Variants in CDH13 observed in about 807,000 individuals in gnomAD.
CDH13 encodes cadherin-13.
A neutral mutation model predicts 63.8 loss-of-function variants in CDH13; 24 were observed. The ratio of observed to expected loss-of-function variants is 0.38; its 90% CI spans 0.27 to 0.53. CDH13 has a LOEUF of 0.53. Ranked by LOEUF, CDH13 falls within the 20% of genes least tolerant of loss-of-function variation. The pLI, the probability that CDH13 is intolerant of heterozygous loss-of-function variation, is 0.85. For missense variants in CDH13, 1,049 were observed against 903.1 expected, an observed-to-expected ratio of 1.16 and a Z score of -2.07; for synonymous variants, 503 against 355.3, an observed-to-expected ratio of 1.42 and a Z score of -4.67.
In CDH13 at chr16:82,627,128, C is replaced by A. The variant is rs765925404; in HGVS notation, c.36C>A (p.Leu12=). 2.5e-6 allele frequency: 4 copies of A among 1,607,220 alleles called. No homozygotes were observed. The highest frequency in any genetic ancestry group is 4.5e-5 in the East Asian group (2 of 44,652). The change falls in exon 1 of 14, where the codon CTC becomes CTA. Residue 12 remains leucine, a synonymous_variant. Transcript: ENST00000567109. ...GAACTCCGCTCGTTCTGTGCGTTCT[C>A]CTGTCCCAGGTAGGGAAGAGGGGCT... ...QPRTPLVLCV[L]LSQVLLLTSA...
At chr16:82,991,359 C>T (rs1597370628) in intron 2 of CDH13, among the ~76,000 whole-genome samples, 1 of 152,118 alleles carries the variant, frequency 6.6e-6, no homozygotes, top group South Asian at 2.1e-4. Context: ...ATATGCCTTC[C>T]TCTTAACATT....
intron 6 of CDH13, among the ~76,000 whole-genome samples, chr16:83,450,620 C>G (rs1057171874): frequency 3.3e-5 from 5 of 152,168 alleles, no homozygotes; most frequent in Admixed American, 3.3e-4. Flanking sequence ...CCTGTAATCC[C>G]AGCAGTTTGG....
At chr16:82,811,817 T>C (rs2037459010) in intron 1 of CDH13, among the ~76,000 whole-genome samples, 1 of 152,118 alleles carries the variant, frequency 6.6e-6, no homozygotes, top group South Asian at 2.1e-4. Context: ...AGGAGTGACT[T>C]ATAGGGTTAT....
chr16:83,218,209 A>G (rs950304790), intron 5 of CDH13, among the ~76,000 whole-genome samples: 1 of 152,168 alleles, frequency 6.6e-6, no homozygotes, highest in African/African-American at 2.4e-5. Flanking sequence ...AAGTGAGAAG[A>G]TACTATAAGG....
chr16:83,267,236 G>C (rs1907732885), intron 5 of CDH13, among the ~76,000 whole-genome samples: 1 of 152,144 alleles, frequency 6.6e-6, no homozygotes, highest in Non-Finnish European at 1.5e-5. Flanking sequence ...AAAGGCTGAA[G>C]GTGCAGGGAA....
intron 2 of CDH13, among the ~76,000 whole-genome samples, chr16:83,005,268 A>C (rs1440502064): frequency 6.6e-6 from 1 of 152,174 alleles, no homozygotes; most frequent in Non-Finnish European, 1.5e-5. Context: ...GTCTCCACTC[A>C]AAGATTAAGT....
intron 2 of CDH13, among the ~76,000 whole-genome samples, chr16:82,952,072 C>G (rs547428737): frequency 6.6e-6 from 1 of 152,206 alleles, no homozygotes; most frequent in Non-Finnish European, 1.5e-5. Context: ...CACATTTTCT[C>G]GAAAGGAGTT....
At chr16:82,869,574 C>G (rs2040272362) in intron 2 of CDH13, among the ~76,000 whole-genome samples, 1 of 152,144 alleles carries the variant, frequency 6.6e-6, no homozygotes, top group African/African-American at 2.4e-5. Context: ...CGTTATCTGA[C>G]TTACAGTTGT....
chr16:83,038,502 A>G (rs888363525), intron 3 of CDH13, among the ~76,000 whole-genome samples: 1 of 152,192 alleles, frequency 6.6e-6, no homozygotes, highest in African/African-American at 2.4e-5. Flanking sequence ...CCTTCCGTGC[A>G]CAAAAGGGCT....
chr16:82,738,213 G>A (rs539540617), intron 1 of CDH13, among the ~76,000 whole-genome samples: 1 of 152,256 alleles, frequency 6.6e-6, no homozygotes, highest in African/African-American at 2.4e-5. Flanking sequence ...GGTGAAAAGT[G>A]AAATAGCAAT....
At chr16:82,836,391 C>A (rs897726694) in intron 1 of CDH13, among the ~76,000 whole-genome samples, 3 of 152,144 alleles carry the variant, frequency 2.0e-5, no homozygotes, top group African/African-American at 4.8e-5. Flanking sequence ...CTCAGGTGAT[C>A]CACCCGCCTT....
chr16:83,064,292 C>T (rs867309441), intron 3 of CDH13, among the ~76,000 whole-genome samples: 10 of 152,150 alleles, frequency 6.6e-5, no homozygotes, highest in African/African-American at 2.2e-4. Flanking sequence ...TCGCTTGAAC[C>T]CGGGAGGTGG....
chr16:83,114,534 T>G lies in CDH13; in HGVS notation c.367-10851T>G, dbSNP rs866605230. 1.2e-3 allele frequency among the ~76,000 whole-genome samples: 179 copies of G among 152,320 alleles called. 1 individual carries two copies. The highest frequency in any genetic ancestry group is 4.0e-3 in the African/African-American group (165 of 41,562). On this transcript the variant is annotated intron_variant, in intron 3 of 13. Transcript: ENST00000567109. ...TCACACCCCCTGCCATGAGATGATA[T>G]GAAGAACTAACAACAGATAATTTCT...
intron 2 of CDH13, among the ~76,000 whole-genome samples, chr16:83,012,626 A>C (rs1367217033): frequency 6.6e-6 from 1 of 152,208 alleles, no homozygotes; most frequent in Non-Finnish European, 1.5e-5. Context: ...TATGGGAAAC[A>C]GACCTTGAAG....
intron 2 of CDH13, among the ~76,000 whole-genome samples, chr16:83,009,969 A>T (rs946556660): frequency 4.6e-5 from 7 of 151,886 alleles, no homozygotes; most frequent in Admixed American, 6.6e-5. Context: ...CCCTGTCTCT[A>T]CTAAAAATAC....
At chr16:83,370,756 G>T (rs999224010) in intron 6 of CDH13, among the ~76,000 whole-genome samples, 1 of 152,136 alleles carries the variant, frequency 6.6e-6, no homozygotes, top group African/African-American at 2.4e-5. Context: ...CTTTGCTTAG[G>T]ATAATGGTCT....
intron 5 of CDH13, among the ~76,000 whole-genome samples, chr16:83,238,149 G>T (rs2151811428): frequency 6.6e-6 from 1 of 152,026 alleles, no homozygotes; most frequent in East Asian, 1.9e-4. Context: ...GAACTGTTCT[G>T]GTCTTTGCTG....
At chr16:82,749,312 G>C (rs1319692405) in intron 1 of CDH13, among the ~76,000 whole-genome samples, 1 of 152,148 alleles carries the variant, frequency 6.6e-6, no homozygotes, top group African/African-American at 2.4e-5. Context: ...TGTTTAATGA[G>C]TTTGTTTGCA....
chr16:83,120,687 C>T (rs1413543106), intron 3 of CDH13, among the ~76,000 whole-genome samples: 1 of 151,922 alleles, frequency 6.6e-6, no homozygotes, highest in African/African-American at 2.4e-5. Context: ...TTTTTGCCAC[C>T]CTTAACAAAC....
Sources: allele counts gnomAD v4.1 joint callset (sites outside exome capture counted in the v4.1 genomes callset), GRCh38; gene constraint gnomAD v4.1.1; transcripts MANE v1.5; gene names NCBI Gene and HGNC (gene_info 2026-07-23, HGNC 2026-07-21).